OTUB2: variants seen among roughly 807,000 people sequenced by gnomAD.
OTUB2 encodes the protein OTU deubiquitinase, ubiquitin aldehyde binding 2.
In OTUB2, 21 loss-of-function variants were observed where a neutral mutation model predicts 25.1. The observed-to-expected ratio is 0.84, with a 90% CI of 0.59 to 1.21. The LOEUF (loss-of-function observed/expected upper bound fraction) is 1.21. Among genes scored for constraint, OTUB2 ranks in the 50% most tolerant of loss-of-function variants. The pLI, the probability that OTUB2 is intolerant of heterozygous loss-of-function variation, is 0.00. For synonymous variants in OTUB2, 122 were observed against 122.8 expected (o/e 0.99, Z 0.04); for missense variants, 283 against 298.0 (o/e 0.95, Z 0.37).
chr14:94,037,702 TTTTA>T (rs141016872), intron 2 of OTUB2, among the ~76,000 whole-genome samples: 13,083 of 152,002 alleles, frequency 0.086, 773 homozygotes, highest in Non-Finnish European at 0.12. Context: ...TATCCTAATG[TTTTA>T]TTTACTCACC....
chr14:94,043,941 C>A (rs1885210670), intron 3 of OTUB2, 30 bp from the exon 4 acceptor site: 3 of 1,589,126 alleles, frequency 1.9e-6, no homozygotes, highest in Non-Finnish European at 1.7e-6. Flanking sequence ...CTGTGTTTCC[C>A]TGTAAACACT....
At chr14:94,040,286 A>ATG (rs1885136800) in intron 3 of OTUB2, among the ~76,000 whole-genome samples, 1 of 152,222 alleles carries the variant, frequency 6.6e-6, no homozygotes, top group African/African-American at 2.4e-5. Flanking sequence ...ATGGAGAGTC[A>ATG]GCTATCTCAA....
intron 2 of OTUB2, among the ~76,000 whole-genome samples, chr14:94,037,756 AC>A (rs1256208118): frequency 6.6e-6 from 1 of 151,848 alleles, no homozygotes; most frequent in Non-Finnish European, 1.5e-5. Flanking sequence ...TACTTTTATT[AC>A]CCCCATTTTA....
At chr14:94,039,255 T>G (rs1013317758) in intron 3 of OTUB2, 174 bp downstream of exon 3, 6 of 609,682 alleles carry the variant, frequency 9.8e-6, no homozygotes, top group African/African-American at 9.3e-5. Context: ...TGTGGTGAAG[T>G]TGGGGGCAGC....
chr14:94,031,402 T>A (rs939388035), intron 1 of OTUB2, among the ~76,000 whole-genome samples: 2 of 151,834 alleles, frequency 1.3e-5, no homozygotes, highest in African/African-American at 4.8e-5. Context: ...AGTCCTTAGG[T>A]AATGTGGGCA....
chr14:94,026,581 G>A lies in OTUB2; in HGVS notation c.3+41G>A, dbSNP rs537030037. The stretch of plus-strand genomic sequence containing the variant: ...GGATCGCGAAGGGGGAGCGGGCAGG[G>A]GGCGCGGTGGGCGGGGTCGCTGCCG... On this transcript the variant is annotated intron_variant, in intron 1 of 5. Coordinates refer to ENST00000203664, the MANE Select transcript of OTUB2 (RefSeq NM_023112.4). 1.8e-5 allele frequency: 22 copies of A among 1,229,774 alleles called. No homozygotes were observed. In the South Asian group the frequency reaches 7.1e-4, roughly 39 times the overall value. The allele number at this position is 1,229,774 out of a possible 1,614,324, so 76.2% of individuals were successfully genotyped here.
At chr14:94,045,512 G>A (rs1274714911) in intron 5 of OTUB2, among the ~76,000 whole-genome samples, 1 of 152,172 alleles carries the variant, frequency 6.6e-6, no homozygotes, top group Non-Finnish European at 1.5e-5. Context: ...TCTTGCAATT[G>A]TAGCGATTTC....
rs577947895 is a variant in OTUB2, at chr14:94,048,269, G to C, written c.*2347G>C. 1 of 152,340 alleles carries C rather than the reference G, an allele frequency of 6.6e-6. No homozygotes were observed. The highest frequency in any genetic ancestry group is 2.4e-5 in the African/African-American group (1 of 41,574). The allele number at this position is 152,340 out of a possible 1,614,324, so 9.4% of individuals were successfully genotyped here. ...CTCTCTCCAGACCAAAAGCTGGAAG[G>C]AGAGTTGCTTTGAGAGCTTGTTTTT... On this transcript the variant is annotated 3_prime_UTR_variant, in exon 6 of 6. Transcript: ENST00000203664.
chr14:94,043,539 TG>T (rs1245547431), intron 3 of OTUB2, among the ~76,000 whole-genome samples: 1 of 151,994 alleles, frequency 6.6e-6, no homozygotes, highest in African/African-American at 2.4e-5. Flanking sequence ...GCCTGTGGAG[TG>T]GGTCCCCAAG....
chr14:94,031,011 T>C lies in OTUB2; in HGVS notation c.3+4471T>C, dbSNP rs551956434. Among the ~76,000 whole-genome samples the C allele has an allele frequency of 2.0e-4, 31 of 152,302 alleles. No homozygotes were observed. In the South Asian group the frequency reaches 6.4e-3, roughly 32 times the overall value. ...GCACATTTGTGTTGTTTTGAGACACTAAGTTTGTGCTCCTTTGTTACAGCA... is the reference window on the plus strand; with the variant it reads ...GCACATTTGTGTTGTTTTGAGACACCAAGTTTGTGCTCCTTTGTTACAGCA... On this transcript the variant is annotated intron_variant, in intron 1 of 5. Transcript: ENST00000203664.
At position 94,046,556 on chromosome 14, in the gene OTUB2, G is replaced by GGCGACCACC; in HGVS notation, c.*635_*636insCGACCACCG. The GGCGACCACC allele has an allele frequency of 6.5e-6, 1 of 153,142 alleles. No individual in the cohort carries two copies. Among genetic ancestry groups the GGCGACCACC allele is most frequent in the Admixed American group, 6.5e-5 (1 of 15,412 alleles). 9.5% of individuals were successfully genotyped at this position (153,142 alleles called of 1,614,324 possible). The stretch of plus-strand genomic sequence containing the variant: ...AGAAAGGGGCCTTTAGCCTTTAGTA[G>GGCGACCACC]GAGCTCAAATTGTTGGGGCCCCTCT... On this transcript the variant is annotated 3_prime_UTR_variant, in exon 6 of 6. Coordinates refer to ENST00000203664, the MANE Select transcript of OTUB2 (RefSeq NM_023112.4).
intron 3 of OTUB2, among the ~76,000 whole-genome samples, chr14:94,039,752 G>A (rs57794937): frequency 0.018 from 2,791 of 152,252 alleles, 75 homozygotes; most frequent in African/African-American, 0.063. Flanking sequence ...CTCAAACCAC[G>A]CTTTGAGGAG....
At chr14:94,039,218 TG>T (rs1174677288) in intron 3 of OTUB2, 137 bp downstream of exon 3, 2 of 708,462 alleles carry the variant, frequency 2.8e-6, no homozygotes, top group Admixed American at 2.8e-5. Context: ...CAGAGGCGTT[TG>T]ATGTTGGGGG....
Position 94,037,359 on chromosome 14 carries a change from T to G in OTUB2, c.4-21T>G, listed in dbSNP as rs369287032. On this transcript the variant is annotated intron_variant, in intron 1 of 5. Coordinates refer to ENST00000203664, the MANE Select transcript of OTUB2 (RefSeq NM_023112.4). ...TTGCTTTTGAAATTGTCACAGCATT[T>G]CTTCCTTCCCTATCTTTCAGAGTGA... The G allele has an allele frequency of 9.1e-6, 14 of 1,535,912 alleles. No individual in the cohort carries two copies. The African/African-American group carries it at 9.6e-5, about 11-fold the overall frequency.
At chr14:94,041,969 A>G (rs1885169616) in intron 3 of OTUB2, among the ~76,000 whole-genome samples, 3 of 152,224 alleles carry the variant, frequency 2.0e-5, no homozygotes, top group Admixed American at 2.0e-4. Context: ...CGTCAGCGTC[A>G]TGCATCCTCC....
At chr14:94,033,501 GTCC>G (rs1434130429) in intron 1 of OTUB2, among the ~76,000 whole-genome samples, 1 of 152,182 alleles carries the variant, frequency 6.6e-6, no homozygotes, top group Admixed American at 6.5e-5. Flanking sequence ...CTGATTTTGT[GTCC>G]TCCTTCTGCC....
In OTUB2 at chr14:94,031,755, A is replaced by G. The variant is rs1955732; in HGVS notation, c.3+5215A>G. ...GAACATCCTTTTCTCACTTTGAAAT[A>G]TATTCCTCCACGCAAGCTGCTAAAT... On this transcript the variant is annotated intron_variant, in intron 1 of 5. Transcript: ENST00000203664. 2.8e-4 allele frequency among the ~76,000 whole-genome samples: 42 copies of G among 152,320 alleles called. No individual in the cohort carries two copies. The South Asian group carries it at 8.3e-3, about 30-fold the overall frequency.
chr14:94,032,569 G>A (rs1184995956), intron 1 of OTUB2, among the ~76,000 whole-genome samples: 1 of 151,988 alleles, frequency 6.6e-6, no homozygotes, highest in Non-Finnish European at 1.5e-5. Context: ...GGGTATGGGA[G>A]TTTCAGTTTG....
intron 3 of OTUB2, among the ~76,000 whole-genome samples, chr14:94,042,200 A>C (rs2896254): frequency 0.33 from 50,504 of 152,228 alleles, 8,443 homozygotes; most frequent in Admixed American, 0.39. Flanking sequence ...TGTTACTACC[A>C]CATCTGATGA....
Sources: allele counts gnomAD v4.1 joint callset (sites outside exome capture counted in the v4.1 genomes callset), GRCh38; gene constraint gnomAD v4.1.1; transcripts MANE v1.5; gene names NCBI Gene and HGNC (gene_info 2026-07-23, HGNC 2026-07-21).